The following AUTS2 variants were observed in gnomAD, a reference collection of about 807,000 sequenced individuals.
AUTS2 encodes the protein activator of transcription and developmental regulator AUTS2.
In AUTS2, 17 loss-of-function variants were observed where a neutral mutation model predicts 112.4. That is an observed-to-expected ratio of 0.15 (90% CI 0.10 to 0.23). AUTS2 has a LOEUF of 0.23. Ranked by LOEUF, AUTS2 falls within the 10% of genes least tolerant of loss-of-function variation. The probability of loss-of-function intolerance (pLI) is 1.00; values close to 1 mark genes in which losing one functional copy is unlikely to be tolerated. For missense variants in AUTS2, 1,510 were observed against 1,701.6 expected (o/e 0.89, Z 1.98); for synonymous variants, 751 against 702.7 (o/e 1.07, Z -1.09).
intron 2 of AUTS2, among the ~76,000 whole-genome samples, chr7:69,942,301 CA>C (rs1012164577): frequency 6.6e-6 from 1 of 152,062 alleles, no homozygotes; most frequent in Non-Finnish European, 1.5e-5. Context: ...GATAAATGAA[CA>C]AAAAACCTAT....
At chr7:69,723,098 T>C (rs1287370862) in intron 1 of AUTS2, among the ~76,000 whole-genome samples, 1 of 152,108 alleles carries the variant, frequency 6.6e-6, no homozygotes, top group African/African-American at 2.4e-5. Flanking sequence ...GTCATAGCAG[T>C]CCCTGATCCA....
intron 6 of AUTS2, 152 bp from the exon 7 acceptor site, chr7:70,762,718 C>A (rs1789644749): frequency 7.3e-6 from 5 of 688,454 alleles, no homozygotes; most frequent in Non-Finnish European, 7.8e-6. Flanking sequence ...GCGCATACCC[C>A]CGCAGGTGGT....
chr7:70,288,440 A>C (rs1788564246), intron 4 of AUTS2, among the ~76,000 whole-genome samples: 1 of 152,136 alleles, frequency 6.6e-6, no homozygotes, highest in East Asian at 1.9e-4. Context: ...GTTTCCCCTT[A>C]GTAAAGAATT....
intron 5 of AUTS2, among the ~76,000 whole-genome samples, chr7:70,450,168 G>A (rs1562963310): frequency 6.6e-6 from 1 of 152,166 alleles, no homozygotes; most frequent in Non-Finnish European, 1.5e-5. Context: ...ATCCTCACTT[G>A]TATGCTAAGC....
At chr7:70,267,851 G>T (rs1216689780) in intron 4 of AUTS2, among the ~76,000 whole-genome samples, 3 of 152,138 alleles carry the variant, frequency 2.0e-5, no homozygotes, top group Admixed American at 6.5e-5. Context: ...CAGTTGACTA[G>T]GCAGGGATTG....
chr7:70,036,833 C>T (rs1044322269), intron 2 of AUTS2, among the ~76,000 whole-genome samples: 5 of 152,140 alleles, frequency 3.3e-5, no homozygotes, highest in Admixed American at 6.5e-5. Context: ...AAATCACCTA[C>T]CAAGAGTGTT....
At chr7:70,331,360 G>A (rs2129619500) in intron 4 of AUTS2, among the ~76,000 whole-genome samples, 1 of 152,066 alleles carries the variant, frequency 6.6e-6, no homozygotes, top group East Asian at 1.9e-4. Context: ...ATTCTCTGAT[G>A]GTAGTTTTTA....
At chr7:70,342,339 G>T (rs1230922157) in intron 4 of AUTS2, among the ~76,000 whole-genome samples, 2 of 148,574 alleles carry the variant, frequency 1.3e-5, no homozygotes, top group Non-Finnish European at 1.5e-5. Context: ...TTTTTTTTGC[G>T]GGGGGGAAGT....
chr7:70,059,849 G>A (rs1802161974), intron 2 of AUTS2, among the ~76,000 whole-genome samples: 1 of 152,178 alleles, frequency 6.6e-6, no homozygotes, highest in Non-Finnish European at 1.5e-5. Context: ...ATTTATTTAA[G>A]CAGCTAGTCA....
chr7:69,899,524 C>T (rs747412887), intron 2 of AUTS2, 26 bp downstream of exon 2: 2 of 1,608,476 alleles, frequency 1.2e-6, no homozygotes, highest in East Asian at 4.5e-5. Context: ...TTCGCTCTTT[C>T]CTGTGGCGGC....
chr7:70,601,160 C>G (rs770124899), intron 5 of AUTS2, among the ~76,000 whole-genome samples: 2 of 152,208 alleles, frequency 1.3e-5, no homozygotes, highest in South Asian at 2.1e-4. Context: ...GTTCCAGTTT[C>G]TCCGTATTAT....
At chr7:70,409,672 C>G (rs1285265747) in intron 4 of AUTS2, among the ~76,000 whole-genome samples, 1 of 152,150 alleles carries the variant, frequency 6.6e-6, no homozygotes, top group Non-Finnish European at 1.5e-5. Flanking sequence ...TAAATCTTAA[C>G]TGCCTTAGCC....
chr7:70,093,887 T>C (rs1804050089), intron 2 of AUTS2, among the ~76,000 whole-genome samples: 1 of 152,358 alleles, frequency 6.6e-6, no homozygotes, highest in East Asian at 1.9e-4. Flanking sequence ...AACTACTCCT[T>C]GTGTGTATTG....
At chr7:70,412,286 G>T (rs1794812042) in intron 4 of AUTS2, among the ~76,000 whole-genome samples, 1 of 152,022 alleles carries the variant, frequency 6.6e-6, no homozygotes, top group African/African-American at 2.4e-5. Flanking sequence ...CCTGGGAGCA[G>T]ACCAGGGTAG....
chr7:69,881,283 T>C lies in AUTS2; in HGVS notation c.310-18003T>C, dbSNP rs192070058. On this transcript the variant is annotated intron_variant, in intron 1 of 18. Coordinates refer to ENST00000342771, the MANE Select transcript of AUTS2 (RefSeq NM_015570.4). ...AGGAGAGTTTTTTTCCTCTCCTTTTTCCCCGTCTTTCCCTGTTCCATTAAG... is the reference window on the plus strand; with the variant it reads ...AGGAGAGTTTTTTTCCTCTCCTTTTCCCCCGTCTTTCCCTGTTCCATTAAG... Among the ~76,000 whole-genome samples the C allele has an allele frequency of 3.2e-3, 483 of 152,274 alleles. 3 individuals carry two copies. The highest frequency in any genetic ancestry group is 0.01 in the Middle Eastern group (3 of 294).
chr7:70,562,392 A>G (rs1801527228), intron 5 of AUTS2, among the ~76,000 whole-genome samples: 1 of 152,224 alleles, frequency 6.6e-6, no homozygotes, highest in African/African-American at 2.4e-5. Context: ...ACAACTAACA[A>G]TGTCTGCTAC....
At chr7:69,894,252 G>GTTTTTTTTTTTTTTTTTTTTTTTTTTT (rs370966756) in intron 1 of AUTS2, among the ~76,000 whole-genome samples, 1 of 36,740 alleles carries the variant, frequency 2.7e-5, no homozygotes, top group Non-Finnish European at 4.6e-5. Flanking sequence ...GCCTTAAAGC[G>GTTTTTTTTTTTTTTTTTTTTTTTTTTT]TTTTTTTTTT....
At chr7:70,027,443 A>G (rs1002920289) in intron 2 of AUTS2, among the ~76,000 whole-genome samples, 1 of 152,132 alleles carries the variant, frequency 6.6e-6, no homozygotes, top group African/African-American at 2.4e-5. Context: ...TGCCTCCATT[A>G]CTAAGTCTTC....
At chr7:69,875,868 A>C (rs920762057) in intron 1 of AUTS2, among the ~76,000 whole-genome samples, 4 of 152,122 alleles carry the variant, frequency 2.6e-5, no homozygotes, top group African/African-American at 9.7e-5. Context: ...TATTCTTAAT[A>C]TTCTTATAGT....
Sources: allele counts gnomAD v4.1 joint callset (sites outside exome capture counted in the v4.1 genomes callset), GRCh38; gene constraint gnomAD v4.1.1; transcripts MANE v1.5; gene names NCBI Gene and HGNC (gene_info 2026-07-23, HGNC 2026-07-21).